The following PCDHA8 variants were observed in gnomAD, a reference collection of about 807,000 sequenced individuals.
The protein encoded by PCDHA8 is protocadherin alpha 8.
In PCDHA8, 53 loss-of-function variants were observed where a neutral mutation model predicts 61.8. The observed-to-expected ratio is 0.86, with a 90% CI of 0.69 to 1.08. The LOEUF (loss-of-function observed/expected upper bound fraction) is 1.08. Among genes scored for constraint, PCDHA8 ranks in the 50% least tolerant of loss-of-function variants. The probability of loss-of-function intolerance (pLI) is 0.00; values close to 1 mark genes in which losing one functional copy is unlikely to be tolerated. For synonymous variants in PCDHA8, 618 were observed against 556.6 expected (o/e 1.11, Z -1.55); for missense variants, 1,293 against 1,245.0 (o/e 1.04, Z -0.58).
intron 1 of PCDHA8, among the ~76,000 whole-genome samples, chr5:140,892,166 A>G (rs2063413664): frequency 6.6e-6 from 1 of 152,228 alleles, no homozygotes; most frequent in Admixed American, 6.5e-5. Flanking sequence ...TATGTCCAGT[A>G]ACTGGGATCC....
In PCDHA8 at chr5:140,855,474, C is replaced by T. The variant is rs997217146; in HGVS notation, c.2394+11759C>T. On this transcript the variant is annotated intron_variant, in intron 1 of 3. Transcript: ENST00000531613. Reference sequence around the variant, plus strand: ...ATAAACACCTCACAGATAGTTGATGCTTGACATTAGTGTCTAAATAAACCT... The same window carrying T: ...ATAAACACCTCACAGATAGTTGATGTTTGACATTAGTGTCTAAATAAACCT... Among the ~76,000 whole-genome samples, 3 of 149,784 alleles carry T rather than the reference C, an allele frequency of 2.0e-5. 1 individual carries two copies. Among genetic ancestry groups the T allele is most frequent in the African/African-American group, 7.3e-5 (3 of 40,830 alleles).
intron 3 of PCDHA8, among the ~76,000 whole-genome samples, chr5:140,997,720 G>A (rs973128921): frequency 3.3e-5 from 5 of 151,568 alleles, no homozygotes; most frequent in East Asian, 1.9e-4. Context: ...ACCTTTCTAC[G>A]TCAGTACATA....
At chr5:140,908,578 GTAGT>G (rs1554193408) in intron 1 of PCDHA8, among the ~76,000 whole-genome samples, 1 of 152,196 alleles carries the variant, frequency 6.6e-6, no homozygotes, top group African/African-American at 2.4e-5. Flanking sequence ...CAAAAGGAGA[GTAGT>G]TAGCTGCAGA....
chr5:140,949,012 A>G (rs1029892336), intron 1 of PCDHA8, among the ~76,000 whole-genome samples: 11 of 151,632 alleles, frequency 7.3e-5, no homozygotes, highest in African/African-American at 2.7e-4. Flanking sequence ...TTTATATGTG[A>G]TGTTTTTATT....
chr5:140,949,457 T>C (rs1369576515), intron 1 of PCDHA8, among the ~76,000 whole-genome samples: 1 of 151,872 alleles, frequency 6.6e-6, no homozygotes, highest in Non-Finnish European at 1.5e-5. Flanking sequence ...TCATGTAATT[T>C]GAAGCCCTGT....
chr5:140,937,195 G>A lies in PCDHA8; in HGVS notation c.2395-41754G>A, dbSNP rs371063672. On this transcript the variant is annotated intron_variant, in intron 1 of 3. Coordinates refer to ENST00000531613, the MANE Select transcript of PCDHA8 (RefSeq NM_018911.3). ...TGGGACTACAGGCGCCCGCCACCAT[G>A]CCCGGCTAATTTTTTGTATTTTTTG... Among the ~76,000 whole-genome samples the A allele has an allele frequency of 1.5e-3, 231 of 151,994 alleles. 5 individuals are homozygous for A. The South Asian group carries it at 0.033, about 22-fold the overall frequency.
At chr5:140,914,695 A>T (rs970720014) in intron 1 of PCDHA8, among the ~76,000 whole-genome samples, 1 of 151,978 alleles carries the variant, frequency 6.6e-6, no homozygotes, top group African/African-American at 2.4e-5. Context: ...CTCTGGTGGT[A>T]TGATTTAATT....
At chr5:140,916,321 C>T (rs1302078048) in intron 1 of PCDHA8, among the ~76,000 whole-genome samples, 1 of 152,160 alleles carries the variant, frequency 6.6e-6, no homozygotes, top group Non-Finnish European at 1.5e-5. Flanking sequence ...AGACAAAGTC[C>T]CCTTTACTTT....
At chr5:140,927,652 C>T (rs868980158) in intron 1 of PCDHA8, 28 of 1,614,054 alleles carry the variant, frequency 1.7e-5, no homozygotes, top group African/African-American at 9.3e-5. Flanking sequence ...TGTGTTATTC[C>T]GAGTTCAAGC....
At chr5:140,926,375 C>G (rs1265113344) in intron 1 of PCDHA8, 1 of 152,328 alleles carries the variant, frequency 6.6e-6, no homozygotes, top group African/African-American at 2.4e-5. Flanking sequence ...CAGGAAGAGC[C>G]CAGCTGGGCT....
chr5:140,868,063 C>T (rs1554161737), intron 1 of PCDHA8: 1 of 151,920 alleles, frequency 6.6e-6, no homozygotes, highest in African/African-American at 2.4e-5. Context: ...CAAAGATGTT[C>T]AGGGTGATTT....
intron 1 of PCDHA8, chr5:140,926,516 G>C: frequency 5.0e-6 from 1 of 198,082 alleles, no homozygotes; most frequent in Non-Finnish European, 1.0e-5. Context: ...CCCAGGCTCC[G>C]CCCTGCGCCC....
intron 1 of PCDHA8, among the ~76,000 whole-genome samples, chr5:140,941,206 T>TCTTCCTTC (rs201128549): frequency 1.0e-4 from 10 of 95,674 alleles, no homozygotes; most frequent in African/African-American, 3.6e-4. Flanking sequence ...TTTCTTCCTT[T>TCTTCCTTC]CTTTCTTCCT....
At chr5:140,898,899 C>A (rs1457821018) in intron 1 of PCDHA8, among the ~76,000 whole-genome samples, 2 of 152,072 alleles carry the variant, frequency 1.3e-5, no homozygotes, top group Non-Finnish European at 2.9e-5. Context: ...TTGAAGAGGT[C>A]CTTCACGTCC....
At chr5:140,960,273 C>T (rs1490527862) in intron 1 of PCDHA8, among the ~76,000 whole-genome samples, 1 of 152,148 alleles carries the variant, frequency 6.6e-6, no homozygotes, top group Non-Finnish European at 1.5e-5. Context: ...AATTCCGTCA[C>T]CTTTTTGGGA....
chr5:140,968,635 T>C, intron 1 of PCDHA8: 1 of 1,614,190 alleles, frequency 6.2e-7, no homozygotes, highest in East Asian at 2.2e-5. Context: ...TTTTTTACCA[T>C]CTAGCCCAGA....
Position 140,842,399 on chromosome 5 carries a change from C to T in PCDHA8, c.1078C>T (p.Arg360Cys), listed in dbSNP as rs2150335315. The T allele has an allele frequency of 1.9e-5, 30 of 1,611,330 alleles. No individual in the cohort carries two copies. The South Asian group carries it at 3.2e-4, about 17-fold the overall frequency. Reference sequence around the variant, plus strand: ...ACTGACTTCCTTATCCTTGCCTGTACGTGAAGACGCTCAATTTGGTACTGT... The same window carrying T: ...ACTGACTTCCTTATCCTTGCCTGTATGTGAAGACGCTCAATTTGGTACTGT... ...IALTSLSLPV[R>C]EDAQFGTVIA... Residue 360 changes from arginine to cysteine, a missense_variant, in exon 1 of 4, where the codon CGT becomes TGT. Transcript: ENST00000531613.
At chr5:140,956,885 T>C (rs1156888418) in intron 1 of PCDHA8, among the ~76,000 whole-genome samples, 1 of 152,194 alleles carries the variant, frequency 6.6e-6, no homozygotes, top group Non-Finnish European at 1.5e-5. Context: ...TAGATATCAA[T>C]GAATGAATAT....
rs2150346184 is a variant in PCDHA8, at chr5:140,842,847, C to T, written c.1526C>T (p.Ser509Leu). 8 of 1,593,796 alleles carry T rather than the reference C, an allele frequency of 5.0e-6. 1 individual carries two copies. Among genetic ancestry groups the T allele is most frequent in the Non-Finnish European group, 1.7e-6 (2 of 1,165,370 alleles). The change falls in exon 1 of 4, where the codon TCG (serine) becomes TTG (leucine). Residue 509 changes from serine (S) to leucine (L), a missense_variant. Ser to Leu is a moderately radical substitution (Grantham distance 145, BLOSUM62 -2). Coordinates refer to ENST00000531613, the MANE Select transcript of PCDHA8 (RefSeq NM_018911.3). The part of the protein sequence containing the change: ...VGERSLSSYI[S>L]VHTESGKVYA... ...GAGCGCTCGCTGTCGAGCTACATTT[C>T]GGTGCACACGGAGAGCGGCAAGGTG...
Sources: gnomAD v4.1 joint callset for allele counts (sites outside exome capture counted in the v4.1 genomes callset) on GRCh38, gnomAD v4.1.1 for gene constraint, MANE v1.5 for transcripts, NCBI Gene and HGNC (gene_info 2026-07-23, HGNC 2026-07-21) for gene names.